Variants in IARS1 observed in about 807,000 individuals in gnomAD.
The protein encoded by IARS1 is isoleucyl-tRNA synthetase 1, also known as isoleucine--tRNA ligase, cytoplasmic.
IARS1 carries 124 observed loss-of-function variants against 168.2 expected under a neutral mutation model. The ratio of observed to expected loss-of-function variants is 0.74; its 90% CI spans 0.64 to 0.86. IARS1 has a LOEUF of 0.86. Among genes scored for constraint, IARS1 ranks in the 40% least tolerant of loss-of-function variants. The pLI is 0.00. For missense variants in IARS1, 1,452 were observed against 1,515.8 expected (o/e 0.96, Z 0.70); for synonymous variants, 532 against 529.4 (o/e 1.00, Z -0.07).
intron 1 of IARS1, among the ~76,000 whole-genome samples, chr9:92,291,295 A>G (rs1836285289): frequency 6.6e-6 from 1 of 152,200 alleles, no homozygotes; most frequent in Admixed American, 6.5e-5. Context: ...CTCAAGAACC[A>G]CAACAGACCA....
chr9:92,231,643 G>T (rs1406938345), intron 30 of IARS1, among the ~76,000 whole-genome samples: 2 of 150,230 alleles, frequency 1.3e-5, no homozygotes, highest in African/African-American at 4.9e-5. Context: ...AGTCAGGCTG[G>T]TCTTGAACTC....
intron 22 of IARS1, 41 bp from the exon 23 acceptor site, chr9:92,250,875 C>T: frequency 6.4e-7 from 1 of 1,560,496 alleles, no homozygotes. Context: ...TATATGCAGT[C>T]ATCAACAACT....
In IARS1 at chr9:92,222,040, G is replaced by A. The variant is rs1049185020; in HGVS notation, c.3706+480C>T. 5.3e-5 allele frequency among the ~76,000 whole-genome samples: 8 copies of A among 152,022 alleles called. No individual in the cohort carries two copies. In the South Asian group the frequency reaches 6.3e-4, roughly 12 times the overall value. ...CTATTAAAAAATTATATTATTGACC[G>A]GGCATCACGGCTCACGCCTGTAATC... On this transcript the variant is annotated intron_variant, in intron 33 of 33. Transcript: ENST00000443024.
intron 6 of IARS1, among the ~76,000 whole-genome samples, chr9:92,284,859 T>G (rs1835188225): frequency 6.6e-6 from 1 of 152,220 alleles, no homozygotes; most frequent in Non-Finnish European, 1.5e-5. Context: ...CATATCATTC[T>G]CTACATTGTT....
At chr9:92,220,553 G>T (rs989094271) in intron 33 of IARS1, among the ~76,000 whole-genome samples, 2 of 152,150 alleles carry the variant, frequency 1.3e-5, no homozygotes, top group Non-Finnish European at 2.9e-5. Flanking sequence ...GGAGGTGGAG[G>T]TTGCAACGAG....
chr9:92,291,982 A>ATAAGATT, intron 1 of IARS1, among the ~76,000 whole-genome samples: 1 of 152,088 alleles, frequency 6.6e-6, no homozygotes, highest in South Asian at 2.1e-4. Flanking sequence ...TTTTGAGAAA[A>ATAAGATT]TAAGATTTAA....
At chr9:92,240,491 C>T in intron 30 of IARS1, 2 of 579,170 alleles carry the variant, frequency 3.5e-6, no homozygotes, top group South Asian at 2.3e-5. Flanking sequence ...AACTCCTGAC[C>T]TCAAGTAATC....
In IARS1 at chr9:92,215,192, C is replaced by A. The variant is rs142602914; in HGVS notation, c.3707-4303G>T. ...TACCTCACACGGCAGGGTATTCCAACAGACTTGCAGTTGAGGGTCCTGTCT... is the reference window on the plus strand; with the variant it reads ...TACCTCACACGGCAGGGTATTCCAAAAGACTTGCAGTTGAGGGTCCTGTCT... On this transcript the variant is annotated intron_variant, in intron 33 of 33. Transcript: ENST00000443024. 6.4e-4 allele frequency among the ~76,000 whole-genome samples: 98 copies of A among 152,300 alleles called. 1 individual carries two copies. The highest frequency in any genetic ancestry group is 2.2e-3 in the African/African-American group (90 of 41,562).
intron 30 of IARS1, among the ~76,000 whole-genome samples, chr9:92,231,912 C>A (rs1180208288): frequency 6.6e-6 from 1 of 152,144 alleles, no homozygotes; most frequent in Non-Finnish European, 1.5e-5. Flanking sequence ...TGCAGATATA[C>A]AACTTTTAAA....
chr9:92,277,917 A>G lies in IARS1; in HGVS notation c.840T>C (p.Pro280=), dbSNP rs1157559099. The G allele has an allele frequency of 2.5e-6, 4 of 1,613,710 alleles. No individual in the cohort carries two copies. Among genetic ancestry groups the G allele is most frequent in the Middle Eastern group, 1.6e-4 (1 of 6,084 alleles). Residue 280 remains proline (P), a synonymous_variant, in exon 9 of 34, where the codon CCT becomes CCC. Coordinates refer to ENST00000443024, the MANE Select transcript of IARS1 (RefSeq NM_002161.6). ...ESDYEILERF[P]GAYLKGKKYR... ...ACTTCTTGCCTTTAAGATAGGCACCAGGAAATCTAGAAAAGGAGAAAGGCA... is the reference window on the plus strand; with the variant it reads ...ACTTCTTGCCTTTAAGATAGGCACCGGGAAATCTAGAAAAGGAGAAAGGCA...
chr9:92,217,231 C>T (rs547780276), intron 33 of IARS1, among the ~76,000 whole-genome samples: 59 of 151,860 alleles, frequency 3.9e-4, no homozygotes, highest in African/African-American at 1.4e-3. Context: ...CCAATGAGAA[C>T]AAAGACACAA....
intron 33 of IARS1, among the ~76,000 whole-genome samples, chr9:92,211,176 G>C (rs185554944): frequency 6.6e-6 from 1 of 152,262 alleles, no homozygotes; most frequent in African/African-American, 2.4e-5. Flanking sequence ...TTAGGATGGG[G>C]ACTTTGGGTC....
At chr9:92,272,888 T>A (rs1161757458) in intron 10 of IARS1, among the ~76,000 whole-genome samples, 7 of 143,960 alleles carry the variant, frequency 4.9e-5, no homozygotes, top group Non-Finnish European at 9.2e-5. Flanking sequence ...AAAAAAAAAA[T>A]TTACCAAATG....
In IARS1 at chr9:92,223,478, G is replaced by A. The variant is rs1825132009; in HGVS notation, c.3421C>T (p.Gln1141Ter). The A allele has an allele frequency of 1.2e-6, 2 of 1,609,988 alleles. No individual in the cohort carries two copies. The highest frequency in any genetic ancestry group is 1.1e-5 in the South Asian group (1 of 90,298). Residue 1141 changes from glutamine to a stop codon, truncating the protein, a stop_gained, in exon 32 of 34, where the codon CAA becomes TAA. Coordinates refer to ENST00000443024, the MANE Select transcript of IARS1 (RefSeq NM_002161.6). LOFTEE classifies it high-confidence loss of function. ...CCACTAAGACTCAGTAAGTCAGTTTGGTTTTGTATTTCTAAAAATAACAAC... is the reference window on the plus strand; with the variant it reads ...CCACTAAGACTCAGTAAGTCAGTTTAGTTTTGTATTTCTAAAAATAACAAC... ...VFHDETEIQN[Q>*]TDLLSLSGKT...
intron 10 of IARS1, 42 bp from the exon 11 acceptor site, chr9:92,271,697 G>C (rs748414567): frequency 1.9e-6 from 3 of 1,606,354 alleles, no homozygotes; most frequent in Non-Finnish European, 8.5e-7. Context: ...AACAGTCTAT[G>C]TATGGGTGTG....
Position 92,288,241 on chromosome 9 carries a change from G to A in IARS1, c.161C>T (p.Pro54Leu). 1 of 1,613,906 alleles carries A rather than the reference G, an allele frequency of 6.2e-7. No homozygotes were observed. Among genetic ancestry groups the A allele is most frequent in the South Asian group, 1.1e-5 (1 of 91,068 alleles). Reference sequence around the variant, plus strand: ...ACCCGCAAGTATATGTCCATAGTGAGGCAGTCCAGTTGCAAAAGGAGGACC... The same window carrying A: ...ACCCGCAAGTATATGTCCATAGTGAAGCAGTCCAGTTGCAAAAGGAGGACC... ...YDGPPFATGL[P>L]HYGHILAGTI... Residue 54 changes from proline to leucine, a missense_variant, in exon 3 of 34, where the codon CCT becomes CTT. Transcript: ENST00000443024.
At chr9:92,240,269 C>CTTT in intron 30 of IARS1, 1 of 164,320 alleles carries the variant, frequency 6.1e-6, no homozygotes, top group Non-Finnish European at 1.3e-5. Context: ...TTTTTCTTTT[C>CTTT]TTTTTTTTTT....
chr9:92,271,473 A>G (rs1178549811), intron 11 of IARS1, 60 bp downstream of exon 11: 14 of 1,584,528 alleles, frequency 8.8e-6, no homozygotes, highest in Admixed American at 3.4e-5. Context: ...ACAATTATAA[A>G]TGATGGTAGA....
At chr9:92,220,210 A>C (rs1208585238) in intron 33 of IARS1, among the ~76,000 whole-genome samples, 7 of 135,518 alleles carry the variant, frequency 5.2e-5, no homozygotes, top group African/African-American at 2.0e-4. Flanking sequence ...TAGGTGGGAA[A>C]TGAACAATGA....
Sources: allele counts gnomAD v4.1 joint callset (sites outside exome capture counted in the v4.1 genomes callset), GRCh38; gene constraint gnomAD v4.1.1; transcripts MANE v1.5; gene names NCBI Gene and HGNC (gene_info 2026-07-23, HGNC 2026-07-21).